Variants in RYR2 observed in about 807,000 individuals in gnomAD.
RYR2 encodes the protein cardiac muscle ryanodine receptor-calcium release channel.
Under a neutral mutation model 601.1 loss-of-function variants are expected in RYR2, and 227 were observed. The observed-to-expected ratio is 0.38, with a 90% CI of 0.34 to 0.42. The LOEUF is 0.42. Ranked by LOEUF, RYR2 falls within the 10% of genes least tolerant of loss-of-function variation. RYR2 has a pLI of 1.00. For synonymous variants in RYR2, 2,223 were observed against 2,175.1 expected (o/e 1.02, Z -0.61); for missense variants, 4,646 against 6,156.5 (o/e 0.75, Z 8.21).
intron 1 of RYR2, among the ~76,000 whole-genome samples, chr1:237,158,426 T>A (rs1449030680): frequency 6.6e-6 from 1 of 152,178 alleles, no homozygotes; most frequent in Non-Finnish European, 1.5e-5. Context: ...CGTGTTCACT[T>A]TCATATTTTA....
At chr1:237,326,610 G>C (rs1175593023) in intron 2 of RYR2, among the ~76,000 whole-genome samples, 1 of 152,166 alleles carries the variant, frequency 6.6e-6, no homozygotes, top group Non-Finnish European at 1.5e-5. Context: ...AATGCAGAGC[G>C]TACTATATGA....
rs571336120 is a variant in RYR2, at chr1:237,055,069, C to T, written c.48+12500C>T. ...GTCCCACCTCTGTCGGATCCTGTCA[C>T]GCTCCCAGCCCGCACCTTGGTAAAT... On this transcript the variant is annotated intron_variant, in intron 1 of 104. Transcript: ENST00000366574. Among the ~76,000 whole-genome samples the T allele has an allele frequency of 7.2e-5, 11 of 152,328 alleles. No individual in the cohort carries two copies. In the East Asian group the frequency reaches 1.3e-3, roughly 19 times the overall value.
intron 1 of RYR2, among the ~76,000 whole-genome samples, chr1:237,141,898 A>G (rs1026894749): frequency 2.0e-5 from 3 of 152,186 alleles, no homozygotes; most frequent in African/African-American, 7.2e-5. Flanking sequence ...ATATGCCCTT[A>G]AGTAACCTGA....
intron 1 of RYR2, among the ~76,000 whole-genome samples, chr1:237,055,188 C>G (rs114192089): frequency 6.6e-6 from 1 of 152,084 alleles, no homozygotes; most frequent in Non-Finnish European, 1.5e-5. Context: ...CACGGTGACA[C>G]GTTTGGGAGA....
At chr1:237,832,049 C>A (rs1369528606) in intron 104 of RYR2, among the ~76,000 whole-genome samples, 1 of 151,978 alleles carries the variant, frequency 6.6e-6, no homozygotes, top group African/African-American at 2.4e-5. Context: ...TATACACACA[C>A]ACATATATTT....
intron 97 of RYR2, 57 bp downstream of exon 97, chr1:237,798,227 T>C: frequency 6.6e-7 from 1 of 1,513,778 alleles, no homozygotes. Context: ...AAAACATTAA[T>C]ACATTTTTAA....
intron 27 of RYR2, among the ~76,000 whole-genome samples, chr1:237,556,228 C>A (rs1670857520): frequency 6.6e-6 from 1 of 151,410 alleles, no homozygotes; most frequent in African/African-American, 2.4e-5. Context: ...AAAACATATG[C>A]TCCACTTCAT....
chr1:237,382,525 C>CT (rs1553429281), intron 8 of RYR2, among the ~76,000 whole-genome samples: 1 of 119,700 alleles, frequency 8.4e-6, no homozygotes, highest in Non-Finnish European at 1.7e-5. Context: ...ATCCCTCCCC[C>CT]CTCCCCCCAC....
At chr1:237,653,331 A>G (rs1443741665) in intron 51 of RYR2, among the ~76,000 whole-genome samples, 2 of 152,206 alleles carry the variant, frequency 1.3e-5, no homozygotes, top group South Asian at 4.1e-4. Context: ...ACAGATGTAT[A>G]GTTCCTTTAT....
chr1:237,499,881 C>T (rs1664452424), intron 20 of RYR2, among the ~76,000 whole-genome samples: 3 of 152,110 alleles, frequency 2.0e-5, no homozygotes, highest in Admixed American at 6.6e-5. Flanking sequence ...TTTCATTGTG[C>T]AGTGAGAAGC....
rs1183273715 is a variant in RYR2, at chr1:237,792,114, T to G, written c.13573T>G (p.Ser4525Ala). 6.3e-7 allele frequency: 1 copy of G among 1,594,876 alleles called. No homozygotes were observed. The highest frequency in any genetic ancestry group is 1.8e-5 in the Admixed American group (1 of 56,812). ...AAATGCTTTGAATCAGGTCTCCACT[T>G]CTTCTGTGGTTGAAGGAAAGGAGCT... ...FILLFYKVST[S>A]SVVEGKELPT... The change falls in exon 94 of 105, where the codon TCT becomes GCT. Residue 4525 changes from serine to alanine, a missense_variant. Physicochemically the swap from Ser to Ala is moderately conservative, Grantham distance 99. Around this residue, in one of 17 missense-constraint regions of RYR2, gnomAD observed 364 missense variants for 442.9 expected, o/e 0.82. Coordinates refer to ENST00000366574, the MANE Select transcript of RYR2 (RefSeq NM_001035.3).
intron 1 of RYR2, among the ~76,000 whole-genome samples, chr1:237,130,570 G>C (rs1672051134): frequency 5.9e-5 from 9 of 152,110 alleles, no homozygotes. Flanking sequence ...AAATTAGCCA[G>C]GCGTGGTGGT....
Position 237,453,277 on chromosome 1 carries a change from A to C in RYR2, c.1293-1114A>C, listed in dbSNP as rs147851258. ...TCATATATAATTGGTATAGAATTTC[A>C]GGCAAAAACTTTAAAATAGTTGTAC... On this transcript the variant is annotated intron_variant, in intron 14 of 104. Transcript: ENST00000366574. Among the ~76,000 whole-genome samples, 1,016 of 152,238 alleles carry C rather than the reference A, an allele frequency of 6.7e-3. 2 individuals carry two copies. Among genetic ancestry groups the C allele is most frequent in the Non-Finnish European group, 0.011 (763 of 67,950 alleles).
chr1:237,639,311 T>C, intron 46 of RYR2, 110 bp downstream of exon 46: 3 of 1,060,524 alleles, frequency 2.8e-6, no homozygotes, highest in Non-Finnish European at 3.9e-6. Context: ...GTACAGAAGA[T>C]TTCTCCCTTT....
At chr1:237,131,532 T>C (rs1310584411) in intron 1 of RYR2, among the ~76,000 whole-genome samples, 3 of 152,158 alleles carry the variant, frequency 2.0e-5, no homozygotes, top group South Asian at 4.1e-4. Flanking sequence ...GATTAATAAG[T>C]TGAAGGAGTT....
intron 64 of RYR2, 62 bp from the exon 65 acceptor site, chr1:237,700,167 A>G (rs1687839232): frequency 1.9e-6 from 2 of 1,026,914 alleles, no homozygotes; most frequent in Non-Finnish European, 2.9e-6. Context: ...GAGAACCACA[A>G]TTCATTTATA....
Position 237,792,382 on chromosome 1 carries a change from C to CGT in RYR2, c.13782+73_13782+74dup, listed in dbSNP as rs1359233766. 0.013 allele frequency: 8,464 copies of CGT among 665,300 alleles called. 187 individuals carry two copies. The highest frequency in any genetic ancestry group is 0.029 in the African/African-American group (1,211 of 42,086). The allele number at this position is 665,300 out of a possible 1,614,324, so 41.2% of individuals were successfully genotyped here. A position where few individuals can be genotyped will look rare whatever the true frequency, so the allele number is the denominator to read the frequency against. On this transcript the variant is annotated intron_variant, in intron 94 of 104. Coordinates refer to ENST00000366574, the MANE Select transcript of RYR2 (RefSeq NM_001035.3). ...GTGTGTGTGTGTGTGTGTGTGTGTG[C>CGT]GTGTGTGTGTGTGTGCGTGTGTGTG... is the stretch of plus-strand genomic sequence containing the variant.
chr1:237,388,233 G>T, intron 10 of RYR2, 50 bp downstream of exon 10: 1 of 1,498,840 alleles, frequency 6.7e-7, no homozygotes, highest in Non-Finnish European at 9.2e-7. Context: ...TTGCCTTGAT[G>T]TAATGTTTTA....
At chr1:237,620,989 C>A (rs1404493340) in intron 38 of RYR2, among the ~76,000 whole-genome samples, 1 of 152,094 alleles carries the variant, frequency 6.6e-6, no homozygotes, top group Non-Finnish European at 1.5e-5. Context: ...GTTCATGAAA[C>A]ATTTGCTAAG....
Sources: gnomAD v4.1 joint callset for allele counts (sites outside exome capture counted in the v4.1 genomes callset) on GRCh38, gnomAD v4.1.1 for gene constraint, gnomAD v4.1.1 regional missense constraint, MANE v1.5 for transcripts, NCBI Gene and HGNC (gene_info 2026-07-23, HGNC 2026-07-21) for gene names.